GPC5: variants seen among roughly 807,000 people sequenced by gnomAD.
GPC5 encodes glypican 5, also known as glypican-5.
A neutral mutation model predicts 53.9 loss-of-function variants in GPC5; 47 were observed. The ratio of observed to expected loss-of-function variants is 0.87; its 90% CI spans 0.69 to 1.11. The LOEUF is 1.11. Ranked by LOEUF, GPC5 falls within the 50% of genes most tolerant of loss-of-function variation. The pLI is 0.00. For missense variants in GPC5, 748 were observed against 713.1 expected (o/e 1.05, Z -0.56); for synonymous variants, 286 against 263.3 (o/e 1.09, Z -0.84).
chr13:92,654,963 G>A (rs1886079098), intron 7 of GPC5, among the ~76,000 whole-genome samples: 1 of 152,176 alleles, frequency 6.6e-6, no homozygotes, highest in African/African-American at 2.4e-5. Flanking sequence ...ACATGGAGGA[G>A]ATGCGTTTAT....
In GPC5 at chr13:91,554,555, C is replaced by T. The variant is rs1006456386; in HGVS notation, c.325+105633C>T. Among the ~76,000 whole-genome samples the T allele has an allele frequency of 8.2e-4, 125 of 152,062 alleles. 2 individuals are homozygous for T. Among genetic ancestry groups the T allele is most frequent in the Non-Finnish European group, 3.4e-4 (23 of 67,974 alleles). On this transcript the variant is annotated intron_variant, in intron 2 of 7. Transcript: ENST00000377067. Reference sequence around the variant, plus strand: ...AGTTTACTCCCTAAGGTAGGACAAACGAATCCACAGATCTGTACATAATTG... The same window carrying T: ...AGTTTACTCCCTAAGGTAGGACAAATGAATCCACAGATCTGTACATAATTG...
intron 7 of GPC5, among the ~76,000 whole-genome samples, chr13:92,207,811 G>A (rs1326490591): frequency 6.6e-6 from 1 of 152,122 alleles, no homozygotes; most frequent in Non-Finnish European, 1.5e-5. Flanking sequence ...TGTCCAAGTT[G>A]GTGCAATATA....
At chr13:91,453,781 C>T (rs946518067) in intron 2 of GPC5, among the ~76,000 whole-genome samples, 20 of 151,760 alleles carry the variant, frequency 1.3e-4, no homozygotes, top group African/African-American at 4.1e-4. Context: ...TTTCCTCTCT[C>T]CTCCCTCCCT....
At chr13:91,544,034 T>C (rs1005486529) in intron 2 of GPC5, among the ~76,000 whole-genome samples, 1 of 152,156 alleles carries the variant, frequency 6.6e-6, no homozygotes, top group African/African-American at 2.4e-5. Context: ...TTATTTGTTC[T>C]CAATTATTAT....
At chr13:92,116,106 A>T (rs941734289) in intron 6 of GPC5, among the ~76,000 whole-genome samples, 5 of 152,116 alleles carry the variant, frequency 3.3e-5, no homozygotes, top group Non-Finnish European at 7.4e-5. Flanking sequence ...CAGAAAAAAA[A>T]TAAGTGTGGT....
At chr13:92,755,687 G>C (rs1368594552) in intron 7 of GPC5, among the ~76,000 whole-genome samples, 14 of 138,576 alleles carry the variant, frequency 1.0e-4, no homozygotes, top group African/African-American at 3.7e-4. Flanking sequence ...TACCATCAGA[G>C]AATACTACAA....
At chr13:92,507,320 C>A (rs1194716407) in intron 7 of GPC5, among the ~76,000 whole-genome samples, 1 of 152,080 alleles carries the variant, frequency 6.6e-6, no homozygotes, top group African/African-American at 2.4e-5. Flanking sequence ...TTTCTCTTGC[C>A]AGCAATAGCT....
At chr13:91,538,902 T>A (rs1311894856) in intron 2 of GPC5, among the ~76,000 whole-genome samples, 1 of 150,784 alleles carries the variant, frequency 6.6e-6, no homozygotes, top group Admixed American at 6.6e-5. Flanking sequence ...TTGCAAATAA[T>A]TTTTGTCCTG....
intron 1 of GPC5, among the ~76,000 whole-genome samples, chr13:91,413,988 C>G (rs1285109313): frequency 6.6e-6 from 1 of 152,156 alleles, no homozygotes; most frequent in Non-Finnish European, 1.5e-5. Context: ...CATCATTTCT[C>G]TCTTGGACTG....
chr13:92,354,639 T>C (rs1440929629), intron 7 of GPC5, among the ~76,000 whole-genome samples: 3 of 152,202 alleles, frequency 2.0e-5, no homozygotes, highest in African/African-American at 7.2e-5. Flanking sequence ...ACTGGTAAGA[T>C]TCAAAAGAGT....
intron 6 of GPC5, among the ~76,000 whole-genome samples, chr13:92,032,894 A>T (rs2040863950): frequency 6.6e-6 from 1 of 152,000 alleles, no homozygotes; most frequent in Non-Finnish European, 1.5e-5. Flanking sequence ...TTTCTTCCAT[A>T]CACATCTATC....
intron 7 of GPC5, among the ~76,000 whole-genome samples, chr13:92,578,229 T>C (rs1395309677): frequency 1.3e-5 from 2 of 152,170 alleles, no homozygotes; most frequent in Non-Finnish European, 2.9e-5. Context: ...AACCCTTTTA[T>C]GTGTGTTAGC....
intron 5 of GPC5, among the ~76,000 whole-genome samples, chr13:91,772,636 C>A (rs1043913382): frequency 6.6e-6 from 1 of 152,000 alleles, no homozygotes; most frequent in Admixed American, 6.6e-5. Flanking sequence ...AAAGAAATAC[C>A]AATTACATTA....
chr13:91,415,840 C>T (rs1878181479), intron 1 of GPC5, among the ~76,000 whole-genome samples: 1 of 152,124 alleles, frequency 6.6e-6, no homozygotes, highest in African/African-American at 2.4e-5. Context: ...TTTCATGTCT[C>T]TCCAAGAAGG....
At chr13:91,924,529 A>T (rs1476162859) in intron 6 of GPC5, among the ~76,000 whole-genome samples, 2 of 152,108 alleles carry the variant, frequency 1.3e-5, no homozygotes, top group Non-Finnish European at 2.9e-5. Flanking sequence ...GTTTGAGACC[A>T]GCCTGGGCAA....
At chr13:92,140,217 T>A (rs115907367) in intron 6 of GPC5, among the ~76,000 whole-genome samples, 94 of 152,306 alleles carry the variant, frequency 6.2e-4, no homozygotes, top group African/African-American at 2.1e-3. Context: ...AGCAAAATTC[T>A]AGACATAAAG....
At chr13:92,102,190 C>T (rs1008351197) in intron 6 of GPC5, among the ~76,000 whole-genome samples, 2 of 150,732 alleles carry the variant, frequency 1.3e-5, no homozygotes, top group Non-Finnish European at 3.0e-5. Flanking sequence ...GAGGGAGATA[C>T]AATATAAGAG....
At chr13:92,049,778 C>A (rs2041012583) in intron 6 of GPC5, among the ~76,000 whole-genome samples, 1 of 151,876 alleles carries the variant, frequency 6.6e-6, no homozygotes, top group Non-Finnish European at 1.5e-5. Context: ...TGTAGTATGA[C>A]CAAAACATGC....
intron 7 of GPC5, among the ~76,000 whole-genome samples, chr13:92,440,677 C>G (rs1877513425): frequency 6.6e-6 from 1 of 152,184 alleles, no homozygotes; most frequent in Non-Finnish European, 1.5e-5. Flanking sequence ...AATCTCCAAA[C>G]TGCTCTCTAC....
Sources: gnomAD v4.1 joint callset for allele counts (sites outside exome capture counted in the v4.1 genomes callset) on GRCh38, gnomAD v4.1.1 for gene constraint, MANE v1.5 for transcripts, NCBI Gene and HGNC (gene_info 2026-07-23, HGNC 2026-07-21) for gene names.